The following MCCC1 variants were observed in gnomAD, a reference collection of about 807,000 sequenced individuals.
MCCC1 encodes the protein methylcrotonyl-CoA carboxylase subunit 1, also known as methylcrotonoyl-CoA carboxylase subunit alpha, mitochondrial.
A neutral mutation model predicts 83.8 loss-of-function variants in MCCC1; 64 were observed. The observed-to-expected ratio is 0.76, with a 90% CI of 0.62 to 0.94. The LOEUF (loss-of-function observed/expected upper bound fraction) is 0.94, where lower values mean the gene tolerates loss of function less well. Ranked by LOEUF, MCCC1 falls within the 40% of genes least tolerant of loss-of-function variation. MCCC1 has a pLI of 0.00. For missense variants in MCCC1, 807 were observed against 904.7 expected, an observed-to-expected ratio of 0.89 and a Z score of 1.39; for synonymous variants, 322 against 315.4, an observed-to-expected ratio of 1.02 and a Z score of -0.22.
intron 9 of MCCC1, among the ~76,000 whole-genome samples, chr3:183,048,764 T>C (rs1714741423): frequency 6.6e-6 from 1 of 152,194 alleles, no homozygotes; most frequent in Non-Finnish European, 1.5e-5. Flanking sequence ...ACAACTGTCA[T>C]CTATAGACTA....
chr3:183,069,480 C>G (rs943101232), intron 7 of MCCC1, among the ~76,000 whole-genome samples: 5 of 152,212 alleles, frequency 3.3e-5, no homozygotes, highest in African/African-American at 1.2e-4. Flanking sequence ...AGAAATGCCC[C>G]CCCCTTTTTT....
At chr3:183,078,978 C>T (rs1327589303) in intron 4 of MCCC1, among the ~76,000 whole-genome samples, 2 of 152,200 alleles carry the variant, frequency 1.3e-5, no homozygotes, top group Non-Finnish European at 2.9e-5. Context: ...TCATGAGACT[C>T]ATTCATGACC....
Position 183,099,475 on chromosome 3 carries a change from TAC to T in MCCC1, c.-37_-36del, listed in dbSNP as rs1280124150. ...GCCCGGCCACTCCGTGACTCCCCAG[TAC>T]AGAGGCAGCTGCGTCCCACACGCCA... On this transcript the variant is annotated 5_prime_UTR_variant, in exon 1 of 19. Transcript: ENST00000265594. 5.7e-6 allele frequency: 9 copies of T among 1,579,056 alleles called. No homozygotes were observed. The highest frequency in any genetic ancestry group is 6.9e-6 in the Non-Finnish European group (8 of 1,163,210).
chr3:183,065,848 C>T (rs1577320788), intron 7 of MCCC1, among the ~76,000 whole-genome samples: 1 of 152,320 alleles, frequency 6.6e-6, no homozygotes, highest in East Asian at 1.9e-4. Flanking sequence ...AGGCACTGAT[C>T]TGCTCTTTAA....
At chr3:183,109,435 C>A (rs1289685001) in intron 1 of MCCC1, among the ~76,000 whole-genome samples, 1 of 152,142 alleles carries the variant, frequency 6.6e-6, no homozygotes, top group African/African-American at 2.4e-5. Context: ...GTACCCAGTG[C>A]CTATTGTTCT....
rs1712546665 is a variant in MCCC1 at position 183,025,768 on chromosome 3, G to A, written c.1718C>T (p.Ser573Phe). The A allele has an allele frequency of 2.5e-6, 4 of 1,613,722 alleles. No homozygotes were observed. In the Admixed American group the frequency reaches 5.0e-5, roughly 20 times the overall value. The change falls in exon 15 of 19, where the codon TCT (serine) becomes TTT (phenylalanine). Residue 573 changes from serine (S) to phenylalanine (F), a missense_variant. Transcript: ENST00000265594. ...AGTAAGGCTTACCTGCATGCTATAA[G>A]ACCCATCATGGTTATACGTTACAGC... ...AIAVTYNHDG[S>F]YSMQIEDKTF... is the part of the protein sequence containing the mutation.
intron 5 of MCCC1, 139 bp from the exon 6 acceptor site, chr3:183,071,496 C>T (rs912736007): frequency 1.6e-6 from 2 of 1,240,880 alleles, no homozygotes; most frequent in Non-Finnish European, 2.3e-6. Context: ...CAAAATAATA[C>T]AAATTTAATA....
intron 5 of MCCC1, 78 bp downstream of exon 5, chr3:183,072,288 A>G: frequency 6.5e-7 from 1 of 1,533,988 alleles, no homozygotes; most frequent in Non-Finnish European, 9.0e-7. Flanking sequence ...CTGGTATTAC[A>G]GGCATAGCCA....
chr3:183,076,225 C>T (rs1402679951), intron 4 of MCCC1, among the ~76,000 whole-genome samples: 1 of 152,192 alleles, frequency 6.6e-6, no homozygotes, highest in African/African-American at 2.4e-5. Context: ...CAAGCAACAA[C>T]TGACTTGTTG....
At chr3:183,073,865 A>G (rs1027584219) in intron 4 of MCCC1, among the ~76,000 whole-genome samples, 1 of 152,230 alleles carries the variant, frequency 6.6e-6, no homozygotes, top group Admixed American at 6.5e-5. Flanking sequence ...TTTTGGGGCC[A>G]TGATTTAAAT....
At chr3:183,045,234 C>CGGGG (rs1335020622) in intron 10 of MCCC1, among the ~76,000 whole-genome samples, 179 bp downstream of exon 10, 35 of 152,078 alleles carry the variant, frequency 2.3e-4, no homozygotes, top group Non-Finnish European at 4.4e-4. Flanking sequence ...CACCCGGCAC[C>CGGGG]ACGCCCGGCT....
chr3:183,046,204 T>C (rs1307068539), intron 9 of MCCC1, among the ~76,000 whole-genome samples: 1 of 152,180 alleles, frequency 6.6e-6, no homozygotes, highest in African/African-American at 2.4e-5. Context: ...TTGGAATCAG[T>C]CCCTTCACTA....
upstream of MCCC1, among the ~76,000 whole-genome samples, chr3:183,104,301 T>TC (rs1316504751): frequency 6.6e-6 from 1 of 152,146 alleles, no homozygotes; most frequent in African/African-American, 2.4e-5. Flanking sequence ...CAGCACGCTG[T>TC]CACCTCTCAG....
In MCCC1 at chr3:183,052,235, AC is replaced by A. The variant is rs1404794497; in HGVS notation, c.878del (p.Gly293ValfsTer6). On this transcript the variant is annotated frameshift_variant, in exon 9 of 19. Coordinates refer to ENST00000265594, the MANE Select transcript of MCCC1 (RefSeq NM_020166.5). LOFTEE classifies it high-confidence loss of function. ...QKIIEEAPAP[G>X]IKSEVRKKLG... is the part of the protein sequence containing the mutation. Reference sequence around the variant, plus strand: ...GCTTTTTTCTTACTTCAGATTTAATACCAGGCTATGAAAAAAATATGTAAAT... The same window carrying A: ...GCTTTTTTCTTACTTCAGATTTAATACAGGCTATGAAAAAAATATGTAAAT... 1 of 1,613,774 alleles carries A rather than the reference AC, an allele frequency of 6.2e-7. No homozygotes were observed. The highest frequency in any genetic ancestry group is 8.5e-7 in the Non-Finnish European group (1 of 1,179,786).
At chr3:183,047,299 C>T (rs1329563352) in intron 9 of MCCC1, among the ~76,000 whole-genome samples, 1 of 152,128 alleles carries the variant, frequency 6.6e-6, no homozygotes, top group Non-Finnish European at 1.5e-5. Context: ...TGGTGAAGTT[C>T]ACACACCAGG....
At chr3:183,049,508 G>A (rs1169354322) in intron 9 of MCCC1, among the ~76,000 whole-genome samples, 3 of 150,940 alleles carry the variant, frequency 2.0e-5, no homozygotes, top group Non-Finnish European at 4.4e-5. Context: ...GGAGGCGGAG[G>A]TTGCAGTGAG....
intron 1 of MCCC1, among the ~76,000 whole-genome samples, chr3:183,112,240 T>TGGC (rs1719507278): frequency 6.6e-6 from 1 of 152,224 alleles, no homozygotes; most frequent in Admixed American, 6.5e-5. Context: ...TGTTTTTGCC[T>TGGC]GTAAGCCACA....
intron 9 of MCCC1, among the ~76,000 whole-genome samples, chr3:183,046,238 C>T (rs937276782): frequency 2.0e-5 from 3 of 152,182 alleles, no homozygotes; most frequent in African/African-American, 7.2e-5. Flanking sequence ...AGGAAACCAC[C>T]AATCTGCTTT....
chr3:183,061,060 A>G (rs1715796776), intron 7 of MCCC1, among the ~76,000 whole-genome samples: 1 of 152,170 alleles, frequency 6.6e-6, no homozygotes, highest in Non-Finnish European at 1.5e-5. Flanking sequence ...ATAACCTGCC[A>G]AAGGCCCCAA....
Sources: gnomAD v4.1 joint callset for allele counts (sites outside exome capture counted in the v4.1 genomes callset) on GRCh38, gnomAD v4.1.1 for gene constraint, MANE v1.5 for transcripts, NCBI Gene and HGNC (gene_info 2026-07-23, HGNC 2026-07-21) for gene names.